ARHGAP26: variants seen among roughly 807,000 people sequenced by gnomAD.
ARHGAP26 encodes Rho GTPase activating protein 26.
A neutral mutation model predicts 104.8 loss-of-function variants in ARHGAP26; 38 were observed. The observed-to-expected ratio is 0.36, with a 90% CI of 0.28 to 0.48. The LOEUF is 0.48. ARHGAP26 is among the 20% of genes least tolerant of loss of function. The pLI is 0.99. For missense variants in ARHGAP26, 704 were observed against 947.9 expected, an observed-to-expected ratio of 0.74 and a Z score of 3.38; for synonymous variants, 341 against 340.0, an observed-to-expected ratio of 1.00 and a Z score of -0.03.
At chr5:143,197,159 A>G (rs190144994) in intron 20 of ARHGAP26, among the ~76,000 whole-genome samples, 1 of 152,204 alleles carries the variant, frequency 6.6e-6, no homozygotes, top group East Asian at 1.9e-4. Flanking sequence ...GCTTTTACAA[A>G]TAATTTGCTC....
At chr5:143,043,434 G>C (rs246662) in intron 14 of ARHGAP26, among the ~76,000 whole-genome samples, 34,516 of 151,850 alleles carry the variant, frequency 0.23, 7,312 homozygotes, top group African/African-American at 0.56. Flanking sequence ...GCACTTTGTC[G>C]AACCATTCAT....
chr5:143,207,115 T>A, intron 20 of ARHGAP26, 83 bp from the exon 21 acceptor site: 1 of 1,533,434 alleles, frequency 6.5e-7, no homozygotes, highest in Non-Finnish European at 8.8e-7. Context: ...CAGCTTTCCG[T>A]CATCTGGCCT....
At chr5:142,995,658 CTGGGTGTATATCCAAAGGAT>C (rs1245836084) in intron 11 of ARHGAP26, among the ~76,000 whole-genome samples, 2 of 152,198 alleles carry the variant, frequency 1.3e-5, no homozygotes, top group Non-Finnish European at 2.9e-5. Flanking sequence ...AATCCCATTA[CTGGGTGTATATCCAAAGGAT>C]TACAAATCAT....
intron 1 of ARHGAP26, among the ~76,000 whole-genome samples, chr5:142,828,357 T>C (rs1035373660): frequency 2.6e-5 from 4 of 152,198 alleles, no homozygotes; most frequent in African/African-American, 7.2e-5. Context: ...TCTTGGTAGG[T>C]TTACAGCATA....
chr5:142,836,019 G>C (rs1259005439), intron 1 of ARHGAP26, among the ~76,000 whole-genome samples: 1 of 152,198 alleles, frequency 6.6e-6, no homozygotes, highest in Non-Finnish European at 1.5e-5. Flanking sequence ...CCCAGGCCAG[G>C]GCATCTGAAT....
intron 6 of ARHGAP26, among the ~76,000 whole-genome samples, chr5:142,901,544 C>A (rs1223574522): frequency 6.6e-6 from 1 of 152,192 alleles, no homozygotes; most frequent in Non-Finnish European, 1.5e-5. Flanking sequence ...TGAGTCAGAA[C>A]CCTGGTCTTT....
At chr5:143,086,342 C>T (rs897628402) in intron 17 of ARHGAP26, among the ~76,000 whole-genome samples, 3 of 150,320 alleles carry the variant, frequency 2.0e-5, no homozygotes, top group Non-Finnish European at 4.4e-5. Context: ...ACTTGGGCCT[C>T]CATCTTTATT....
intron 14 of ARHGAP26, among the ~76,000 whole-genome samples, chr5:143,052,236 C>T (rs1372223624): frequency 6.6e-6 from 1 of 152,076 alleles, no homozygotes; most frequent in Non-Finnish European, 1.5e-5. Context: ...CTTTAGGAGG[C>T]CGAGGCGGGC....
At chr5:142,777,603 A>G (rs1333473137) in intron 1 of ARHGAP26, among the ~76,000 whole-genome samples, 2 of 152,200 alleles carry the variant, frequency 1.3e-5, no homozygotes, top group Non-Finnish European at 2.9e-5. Context: ...GTTTCAAATT[A>G]TATATTTTTT....
chr5:142,777,040 G>A (rs553197077), intron 1 of ARHGAP26, among the ~76,000 whole-genome samples: 1 of 152,298 alleles, frequency 6.6e-6, no homozygotes, highest in South Asian at 2.1e-4. Context: ...CTTTTCATGT[G>A]TTTGTTGGCC....
At chr5:142,802,228 A>T (rs1231670009) in intron 1 of ARHGAP26, among the ~76,000 whole-genome samples, 1 of 152,154 alleles carries the variant, frequency 6.6e-6, no homozygotes, top group Admixed American at 6.5e-5. Context: ...TGTTTTTCAG[A>T]TTTCGTTTTC....
intron 17 of ARHGAP26, among the ~76,000 whole-genome samples, chr5:143,074,468 T>C (rs1002248555): frequency 6.6e-5 from 10 of 152,226 alleles, no homozygotes; most frequent in African/African-American, 2.4e-4. Context: ...GTATGACCTA[T>C]AAGCTAATAA....
At chr5:142,953,914 T>TG (rs370957548) in intron 11 of ARHGAP26, among the ~76,000 whole-genome samples, 192 of 152,276 alleles carry the variant, frequency 1.3e-3, no homozygotes, top group African/African-American at 4.3e-3. Context: ...CCATTTGGGG[T>TG]GGGGTGCTAG....
chr5:143,131,052 C>T (rs1241998978), intron 18 of ARHGAP26, among the ~76,000 whole-genome samples: 1 of 152,194 alleles, frequency 6.6e-6, no homozygotes, highest in Non-Finnish European at 1.5e-5. Context: ...GACTATGGCT[C>T]TTGCCCATGG....
At chr5:143,190,069 G>A (rs1805728023) in intron 20 of ARHGAP26, among the ~76,000 whole-genome samples, 1 of 151,606 alleles carries the variant, frequency 6.6e-6, no homozygotes, top group Non-Finnish European at 1.5e-5. Flanking sequence ...CTGGGGTTCA[G>A]AATGCCTTCC....
At chr5:143,130,976 G>C (rs1029452289) in intron 18 of ARHGAP26, among the ~76,000 whole-genome samples, 10 of 152,204 alleles carry the variant, frequency 6.6e-5, no homozygotes, top group Non-Finnish European at 1.3e-4. Flanking sequence ...CCTGAGAATA[G>C]CCCTATCAGC....
intron 17 of ARHGAP26, among the ~76,000 whole-genome samples, chr5:143,088,197 T>C (rs999104461): frequency 1.3e-5 from 2 of 152,250 alleles, no homozygotes; most frequent in East Asian, 1.9e-4. Flanking sequence ...TTCTTCACAA[T>C]TGCATATTTC....
intron 19 of ARHGAP26, among the ~76,000 whole-genome samples, chr5:143,138,946 G>A (rs1032176596): frequency 1.3e-5 from 2 of 152,166 alleles, no homozygotes; most frequent in African/African-American, 4.8e-5. Context: ...TTAACCAGTC[G>A]TTATTTTGCT....
intron 14 of ARHGAP26, among the ~76,000 whole-genome samples, chr5:143,053,506 A>T (rs1785331069): frequency 6.6e-6 from 1 of 152,176 alleles, no homozygotes; most frequent in South Asian, 2.1e-4. Context: ...CAGGATGGGG[A>T]TCTGTGAAGC....
Sources: gnomAD v4.1 joint callset for allele counts (sites outside exome capture counted in the v4.1 genomes callset) on GRCh38, gnomAD v4.1.1 for gene constraint, MANE v1.5 for transcripts, NCBI Gene and HGNC (gene_info 2026-07-23, HGNC 2026-07-21) for gene names.